IL15: variants seen among roughly 807,000 people sequenced by gnomAD.
IL15 encodes the protein interleukin 15.
IL15 carries 11 observed loss-of-function variants against 19.6 expected under a neutral mutation model. That is an observed-to-expected ratio of 0.56 (90% CI 0.35 to 0.93). The LOEUF is 0.93. IL15 is among the 40% of genes least tolerant of loss of function. The pLI, the probability that IL15 is intolerant of heterozygous loss-of-function variation, is 0.01. For missense variants in IL15, 197 were observed against 186.5 expected, an observed-to-expected ratio of 1.06 and a Z score of -0.33; for synonymous variants, 58 against 59.6, an observed-to-expected ratio of 0.97 and a Z score of 0.12.
At chr4:141,644,377 G>C (rs1727151585) in intron 1 of IL15, among the ~76,000 whole-genome samples, 1 of 152,014 alleles carries the variant, frequency 6.6e-6, no homozygotes, top group Admixed American at 6.6e-5. Context: ...GCTACTTTCG[G>C]CTGCTTGACT....
intron 2 of IL15, among the ~76,000 whole-genome samples, chr4:141,688,636 C>G (rs566255234): frequency 6.6e-6 from 1 of 150,376 alleles, no homozygotes; most frequent in East Asian, 1.9e-4. Context: ...TTGGCTTGAT[C>G]TCTTTGGAAC....
intron 2 of IL15, among the ~76,000 whole-genome samples, chr4:141,688,337 T>C (rs1033272533): frequency 6.6e-6 from 1 of 152,166 alleles, no homozygotes; most frequent in Non-Finnish European, 1.5e-5. Context: ...TGAAGCATTT[T>C]CAAAATTTTC....
chr4:141,706,752 C>A (rs1161133282), intron 2 of IL15, among the ~76,000 whole-genome samples: 1 of 151,356 alleles, frequency 6.6e-6, no homozygotes, highest in African/African-American at 2.4e-5. Flanking sequence ...TCATGCCATT[C>A]TCTCCTAGTC....
chr4:141,696,713 G>A (rs1395696700), intron 2 of IL15, among the ~76,000 whole-genome samples: 1 of 152,018 alleles, frequency 6.6e-6, no homozygotes, highest in Non-Finnish European at 1.5e-5. Flanking sequence ...TTAGTAAGGT[G>A]TAAGGTGGTA....
chr4:141,640,358 A>G (rs1410208801), intron 1 of IL15, among the ~76,000 whole-genome samples: 1 of 152,094 alleles, frequency 6.6e-6, no homozygotes, highest in Non-Finnish European at 1.5e-5. Context: ...GGACACAACT[A>G]GGTAAGACAG....
intron 2 of IL15, among the ~76,000 whole-genome samples, chr4:141,676,440 G>A (rs7688025): frequency 0.11 from 17,494 of 152,142 alleles, 1,112 homozygotes; most frequent in Non-Finnish European, 0.15. Flanking sequence ...ATTCAAGATC[G>A]AAGGTGTCTA....
At chr4:141,682,487 C>T (rs886405208) in intron 2 of IL15, among the ~76,000 whole-genome samples, 22 of 152,282 alleles carry the variant, frequency 1.4e-4, no homozygotes, top group African/African-American at 5.3e-4. Context: ...GTCACTACTA[C>T]TTACTTCTGC....
At chr4:141,699,405 G>A (rs1285861977) in intron 2 of IL15, among the ~76,000 whole-genome samples, 1 of 152,006 alleles carries the variant, frequency 6.6e-6, no homozygotes, top group Non-Finnish European at 1.5e-5. Flanking sequence ...CTTCATGATC[G>A]ACCTAGCGCT....
chr4:141,654,130 A>G (rs1264918893), intron 1 of IL15, among the ~76,000 whole-genome samples: 1 of 152,188 alleles, frequency 6.6e-6, no homozygotes, highest in Non-Finnish European at 1.5e-5. Flanking sequence ...CACCTGATGG[A>G]AGTAAGGGCA....
At chr4:141,701,379 G>C (rs1467839037) in intron 2 of IL15, among the ~76,000 whole-genome samples, 1 of 151,782 alleles carries the variant, frequency 6.6e-6, no homozygotes, top group Non-Finnish European at 1.5e-5. Flanking sequence ...TTAGGGTGAA[G>C]ACTTTGTATG....
intron 1 of IL15, among the ~76,000 whole-genome samples, chr4:141,641,138 A>T (rs184138862): frequency 1.3e-3 from 199 of 152,122 alleles, no homozygotes; most frequent in African/African-American, 4.3e-3. Context: ...TTATCAAATG[A>T]TTTTTTCTTA....
intron 2 of IL15, among the ~76,000 whole-genome samples, chr4:141,696,666 T>A (rs78968890): frequency 0.014 from 2,165 of 152,076 alleles, 51 homozygotes; most frequent in African/African-American, 0.049. Context: ...TTCAATAGAT[T>A]TTTGGTAACT....
intron 1 of IL15, among the ~76,000 whole-genome samples, chr4:141,649,281 A>G (rs1294536316): frequency 6.6e-6 from 1 of 152,118 alleles, no homozygotes; most frequent in African/African-American, 2.4e-5. Context: ...TAAATATTTC[A>G]ATAGTTAACA....
chr4:141,653,135 A>G (rs1251785382), intron 1 of IL15, among the ~76,000 whole-genome samples: 4 of 152,148 alleles, frequency 2.6e-5, no homozygotes, highest in South Asian at 4.1e-4. Flanking sequence ...CACCACTGGA[A>G]AATTGTTTAG....
chr4:141,686,409 T>C (rs993997711), intron 2 of IL15, among the ~76,000 whole-genome samples: 1 of 152,180 alleles, frequency 6.6e-6, no homozygotes, highest in Non-Finnish European at 1.5e-5. Flanking sequence ...ATCAAAATAA[T>C]AAATTTCCTA....
At position 141,733,180 on chromosome 4, in the gene IL15, T is replaced by A. The variant is rs1730509937; in HGVS notation, c.*332T>A. The A allele has an allele frequency of 4.8e-6, 1 of 207,826 alleles. No individual in the cohort carries two copies. The highest frequency in any genetic ancestry group is 6.1e-5 in the Admixed American group (1 of 16,298). The allele number at this position is 207,826 out of a possible 1,614,324, so 12.9% of individuals were successfully genotyped here. A position where few individuals can be genotyped will look rare whatever the true frequency, so the allele number is the denominator to read the frequency against. On this transcript the variant is annotated 3_prime_UTR_variant, in exon 8 of 8. Transcript: ENST00000320650. ...GTTGCACTGATATTTTACCTCTTAT[T>A]GCAAAATAGCATTTGTTTAAGGGTG... is the stretch of plus-strand genomic sequence containing the variant.
chr4:141,689,578 C>A (rs1728838201), intron 2 of IL15, among the ~76,000 whole-genome samples: 1 of 151,864 alleles, frequency 6.6e-6, no homozygotes, highest in Non-Finnish European at 1.5e-5. Flanking sequence ...ATTTACAATC[C>A]CTGAGCTAGA....
intron 2 of IL15, among the ~76,000 whole-genome samples, chr4:141,675,847 C>G (rs918710352): frequency 8.5e-5 from 13 of 152,092 alleles, no homozygotes; most frequent in Non-Finnish European, 1.6e-4. Flanking sequence ...TATCTCATAT[C>G]GAAAATGTAG....
chr4:141,723,607 C>T (rs1730165659), intron 5 of IL15, among the ~76,000 whole-genome samples: 1 of 152,158 alleles, frequency 6.6e-6, no homozygotes, highest in Non-Finnish European at 1.5e-5. Flanking sequence ...AACCACCCAC[C>T]TTGTGGTAGT....
Sources: gnomAD v4.1 joint callset for allele counts (sites outside exome capture counted in the v4.1 genomes callset) on GRCh38, gnomAD v4.1.1 for gene constraint, MANE v1.5 for transcripts, NCBI Gene and HGNC (gene_info 2026-07-23, HGNC 2026-07-21) for gene names.